EXOSC3: variants seen among roughly 807,000 people sequenced by gnomAD.
The protein encoded by EXOSC3 is exosome complex component RRP40.
In EXOSC3, 18 loss-of-function variants were observed where a neutral mutation model predicts 25.1. That is an observed-to-expected ratio of 0.72 (90% CI 0.50 to 1.06). The LOEUF (loss-of-function observed/expected upper bound fraction) is 1.06. Among genes scored for constraint, EXOSC3 ranks in the 50% least tolerant of loss-of-function variants. The probability of loss-of-function intolerance (pLI) is 0.00; values close to 1 mark genes in which losing one functional copy is unlikely to be tolerated. For synonymous variants in EXOSC3, 165 were observed against 132.2 expected, an observed-to-expected ratio of 1.25 and a Z score of -1.70; for missense variants, 382 against 350.9, an observed-to-expected ratio of 1.09 and a Z score of -0.71.
chr9:37,784,626 G>C, intron 1 of EXOSC3, 95 bp downstream of exon 1: 2 of 1,353,796 alleles, frequency 1.5e-6, no homozygotes, highest in Non-Finnish European at 2.0e-6. Context: ...CTGAACAAAA[G>C]AGGGCCTCAG....
chr9:37,784,315 G>C (rs1175131274), intron 1 of EXOSC3: 2 of 498,038 alleles, frequency 4.0e-6, no homozygotes, highest in African/African-American at 2.0e-5. Flanking sequence ...CATAAGTCCA[G>C]TGGCAAAGGA....
At chr9:37,780,950 T>C in intron 3 of EXOSC3, 70 bp from the exon 4 acceptor site, 1 of 1,341,808 alleles carries the variant, frequency 7.5e-7, no homozygotes, top group Non-Finnish European at 1.0e-6. Context: ...TCCTTTAGAA[T>C]GTGATTCCTT....
intron 2 of EXOSC3, among the ~76,000 whole-genome samples, chr9:37,782,442 T>C (rs532743922): frequency 1.3e-5 from 2 of 152,258 alleles, no homozygotes. Flanking sequence ...AAATTAAAAT[T>C]AGGTATTTAA....
At chr9:37,784,113 T>C (rs1320838437) in intron 1 of EXOSC3, 50 bp from the exon 2 acceptor site, 1 of 1,568,420 alleles carries the variant, frequency 6.4e-7, no homozygotes, top group Non-Finnish European at 8.6e-7. Flanking sequence ...CAAGATACCA[T>C]TGGAAGATAC....
At position 37,784,775 on chromosome 9, in the gene EXOSC3, C is replaced by T; in HGVS notation, c.270G>A (p.Glu90=). 6.2e-7 allele frequency: 1 copy of T among 1,606,436 alleles called. No individual in the cohort carries two copies. The highest frequency in any genetic ancestry group is 8.5e-7 in the Non-Finnish European group (1 of 1,178,430). The stretch of plus-strand genomic sequence containing the variant: ...CACCGCCGCCGCTGCCACTGCCGGG[C>T]TCCTTGTGACGGAGGCGGCCGCACT... ...VTKCGRLRHK[E]PGSGSGGGVY... is the part of the protein sequence containing the mutation. The change falls in exon 1 of 4, where the codon GAG becomes GAA. Residue 90 remains glutamate, a synonymous_variant. Transcript: ENST00000327304.
chr9:37,782,797 C>T (rs1828623877), intron 2 of EXOSC3, among the ~76,000 whole-genome samples: 1 of 152,176 alleles, frequency 6.6e-6, no homozygotes, highest in African/African-American at 2.4e-5. Context: ...ACTATGTAAA[C>T]TAGAAAGGAA....
Position 37,779,993 on chromosome 9 carries a change from AATG to A in EXOSC3, c.*683_*685del, listed in dbSNP as rs1181324169. 2 of 152,356 alleles carry A rather than the reference AATG, an allele frequency of 1.3e-5. No homozygotes were observed. The highest frequency in any genetic ancestry group is 4.8e-5 in the African/African-American group (2 of 41,590). The allele number at this position is 152,356 out of a possible 1,614,324, so 9.4% of individuals were successfully genotyped here. ...GAAATCCTCATAGTGTTATTTATAT[AATG>A]ATAAAACTCAAAAATATCCTGTAAC... On this transcript the variant is annotated 3_prime_UTR_variant, in exon 4 of 4. Transcript: ENST00000327304.
chr9:37,784,509 A>G, intron 1 of EXOSC3: 1 of 616,044 alleles, frequency 1.6e-6, no homozygotes, highest in East Asian at 2.8e-5. Context: ...CGGTCTCCAA[A>G]CGTTTTTCTC....
In EXOSC3 at chr9:37,784,992, C is replaced by G. The variant is rs145677716; in HGVS notation, c.53G>C (p.Arg18Pro). 796 of 1,610,026 alleles carry G rather than the reference C, an allele frequency of 4.9e-4. 7 individuals carry two copies. Among genetic ancestry groups the G allele is most frequent in the South Asian group, 2.5e-3 (228 of 90,968 alleles). Residue 18 changes from arginine (R) to proline (P), a missense_variant, in exon 1 of 4, where the codon CGC becomes CCC. By Grantham distance (103) the Arg-to-Pro change is moderately radical. Coordinates refer to ENST00000327304, the MANE Select transcript of EXOSC3 (RefSeq NM_016042.4). ...CTGACCTAGTACTGTGCGTGCAGCG[C>G]GCGCCCTGCTGCCCGCGAGAGATTC... ...AAESLAGSRA[R>P]AARTVLGQVV...
chr9:37,784,318 G>T, intron 1 of EXOSC3: 1 of 494,078 alleles, frequency 2.0e-6, no homozygotes, highest in Non-Finnish European at 3.5e-6. Flanking sequence ...AAGTCCAGTG[G>T]CAAAGGAATC....
At position 37,780,862 on chromosome 9, in the gene EXOSC3, A is replaced by C; in HGVS notation, c.645T>G (p.Cys215Trp). 1 of 1,613,358 alleles carries C rather than the reference A, an allele frequency of 6.2e-7. No homozygotes were observed. Among genetic ancestry groups the C allele is most frequent in the Non-Finnish European group, 8.5e-7 (1 of 1,179,738 alleles). ...GLIRKLLAPD[C>W]EIIQEVGKLY... ...GTTTTCCCACTTCCTGTATGATTTCACAATCTGGAGCTAATAGCCTGGTGG... is the reference window on the plus strand; with the variant it reads ...GTTTTCCCACTTCCTGTATGATTTCCCAATCTGGAGCTAATAGCCTGGTGG... The change falls in exon 4 of 4, where the codon TGT (cysteine) becomes TGG (tryptophan). Residue 215 changes from cysteine to tryptophan, a missense_variant. Coordinates refer to ENST00000327304, the MANE Select transcript of EXOSC3 (RefSeq NM_016042.4).
intron 3 of EXOSC3, among the ~76,000 whole-genome samples, 161 bp from the exon 4 acceptor site, chr9:37,781,041 C>CT (rs368816645): frequency 9.9e-5 from 15 of 152,120 alleles, no homozygotes; most frequent in African/African-American, 3.4e-4. Flanking sequence ...CAAGAAGGAA[C>CT]TTTACACTGT....
intron 2 of EXOSC3, 111 bp from the exon 3 acceptor site, chr9:37,782,248 G>C: frequency 8.9e-7 from 1 of 1,128,874 alleles, no homozygotes; most frequent in Non-Finnish European, 1.3e-6. Context: ...GTGGCTAAGG[G>C]ACTGACTGCA....
Position 37,784,782 on chromosome 9 carries a change from T to A in EXOSC3, c.263A>T (p.His88Leu), listed in dbSNP as rs777626686. The part of the protein sequence containing the change: ...LLVTKCGRLR[H>L]KEPGSGSGGG... Reference sequence around the variant, plus strand: ...GCCGCTGCCACTGCCGGGCTCCTTGTGACGGAGGCGGCCGCACTTGGTGAC... The same window carrying A: ...GCCGCTGCCACTGCCGGGCTCCTTGAGACGGAGGCGGCCGCACTTGGTGAC... The change falls in exon 1 of 4, where the codon CAC (histidine) becomes CTC (leucine). Residue 88 changes from histidine (H) to leucine (L), a missense_variant. His to Leu is a moderately conservative substitution (Grantham distance 99). Coordinates refer to ENST00000327304, the MANE Select transcript of EXOSC3 (RefSeq NM_016042.4). 4 of 1,607,682 alleles carry A rather than the reference T, an allele frequency of 2.5e-6. No homozygotes were observed. In the Admixed American group the frequency reaches 6.7e-5, roughly 27 times the overall value.
intron 1 of EXOSC3, 172 bp from the exon 2 acceptor site, chr9:37,784,235 T>C (rs141785095): frequency 2.8e-4 from 178 of 632,998 alleles, no homozygotes; most frequent in Middle Eastern, 2.1e-3. Flanking sequence ...CAGCTTCTGG[T>C]AGTCTGTTAA....
At chr9:37,781,455 T>G (rs1394673666) in intron 3 of EXOSC3, among the ~76,000 whole-genome samples, 1 of 150,298 alleles carries the variant, frequency 6.7e-6, no homozygotes, top group East Asian at 1.9e-4. Flanking sequence ...TGGCACAGCT[T>G]TGGGTGGGTA....
At position 37,784,611 on chromosome 9, in the gene EXOSC3, T is replaced by C; in HGVS notation, c.324+110A>G. On this transcript the variant is annotated intron_variant, in intron 1 of 3. Transcript: ENST00000327304. ...GGCACAAGACTACGGTGGCTCTAGG[T>C]TTGCCTGAACAAAAGAGGGCCTCAG... 3.2e-6 allele frequency: 4 copies of C among 1,241,196 alleles called. No homozygotes were observed. The South Asian group carries it at 6.2e-5, about 19-fold the overall frequency. 76.9% of individuals were successfully genotyped at this position (1,241,196 alleles called of 1,614,324 possible). A position where few individuals can be genotyped will look rare whatever the true frequency, so the allele number is the denominator to read the frequency against.
At position 37,784,806 on chromosome 9, in the gene EXOSC3, A is replaced by T. The variant is rs929560365; in HGVS notation, c.239T>A (p.Val80Asp). 6.2e-7 allele frequency: 1 copy of T among 1,608,358 alleles called. No individual in the cohort carries two copies. The highest frequency in any genetic ancestry group is 8.5e-7 in the Non-Finnish European group (1 of 1,178,384). ...GTGACGGAGGCGGCCGCACTTGGTG[A>T]CCAGCAGGCGGTCCCCACAGCGCCG... Reference protein sequence around the residue: ...GLRRCGDRLLVTKCGRLRHKE... With the variant: ...GLRRCGDRLLDTKCGRLRHKE... Residue 80 changes from valine to aspartate, a missense_variant, in exon 1 of 4, where the codon GTC (valine) becomes GAC (aspartate). Val to Asp is a radical substitution (Grantham distance 152). Coordinates refer to ENST00000327304, the MANE Select transcript of EXOSC3 (RefSeq NM_016042.4).
rs376325566 is a variant in EXOSC3, at chr9:37,780,724, C to T, written c.783G>A (p.Thr261=). Reference sequence around the variant, plus strand: ...AGAAGATCTGTTTTCTTTGATCTGACGTCATGTGTTCACAAGCTTCTAAAA... The same window carrying T: ...AGAAGATCTGTTTTCTTTGATCTGATGTCATGTGTTCACAAGCTTCTAAAA... ...ANILEACEHM[T]SDQRKQIFSR... The change falls in exon 4 of 4, where the codon ACG becomes ACA. Residue 261 remains threonine (T), a synonymous_variant. Transcript: ENST00000327304. 71 of 1,613,788 alleles carry T rather than the reference C, an allele frequency of 4.4e-5. No homozygotes were observed. The highest frequency in any genetic ancestry group is 6.7e-5 in the African/African-American group (5 of 74,918).
Sources: allele counts gnomAD v4.1 joint callset (sites outside exome capture counted in the v4.1 genomes callset), GRCh38; gene constraint gnomAD v4.1.1; transcripts MANE v1.5; gene names NCBI Gene and HGNC (gene_info 2026-07-23, HGNC 2026-07-21).